ABI2: variants seen among roughly 807,000 people sequenced by gnomAD.
ABI2 encodes abl interactor 2.
ABI2 carries 25 observed loss-of-function variants against 59.2 expected under a neutral mutation model. That is an observed-to-expected ratio of 0.42 (90% CI 0.31 to 0.59). The LOEUF (loss-of-function observed/expected upper bound fraction) is 0.59. ABI2 is among the 20% of genes least tolerant of loss of function. ABI2 has a pLI of 0.14. For synonymous variants in ABI2, 213 were observed against 235.5 expected (o/e 0.90, Z 0.87); for missense variants, 545 against 681.8 (o/e 0.80, Z 2.23).
chr2:203,337,052 T>C (rs1367760557), intron 1 of ABI2, among the ~76,000 whole-genome samples: 1 of 152,130 alleles, frequency 6.6e-6, no homozygotes, highest in African/African-American at 2.4e-5. Flanking sequence ...CCATGAAAAG[T>C]TGAAACCTTT....
chr2:203,416,422 A>G (rs1388617499), intron 10 of ABI2, among the ~76,000 whole-genome samples: 1 of 151,698 alleles, frequency 6.6e-6, no homozygotes, highest in Non-Finnish European at 1.5e-5. Flanking sequence ...TGGCCTCCTG[A>G]GTAGCTGGGA....
intron 1 of ABI2, among the ~76,000 whole-genome samples, chr2:203,332,454 G>A (rs1323294278): frequency 3.3e-5 from 5 of 152,156 alleles, no homozygotes; most frequent in South Asian, 2.1e-4. Flanking sequence ...GTGAAACCGC[G>A]TATCTACTAA....
In ABI2 at chr2:203,394,758, T is replaced by C. The variant is rs551449375; in HGVS notation, c.637T>C (p.Tyr213His). 1.8e-5 allele frequency: 29 copies of C among 1,614,140 alleles called. No homozygotes were observed. The highest frequency in any genetic ancestry group is 2.7e-5 in the African/African-American group (2 of 75,014). The change falls in exon 6 of 12, where the codon TAC becomes CAC. Residue 213 changes from tyrosine (Y) to histidine (H), a missense_variant. Coordinates refer to ENST00000261018, the MANE Select transcript of ABI2 (RefSeq NM_001375670.1). ...GCGTCCTCCAGTGGTACCAAATGAT[T>C]ACGTACCTAGCCCAACCCGTAATAT... ...PVRPPVVPND[Y>H]VPSPTRNMAP...
In ABI2 at chr2:203,384,307, T is replaced by G. The variant is rs796296789; in HGVS notation, c.480+2101T>G. On this transcript the variant is annotated intron_variant, in intron 4 of 11. Coordinates refer to ENST00000261018, the MANE Select transcript of ABI2 (RefSeq NM_001375670.1). ...TTGTTTTTGTTTTTTTTTTTTTTTT[T>G]TTTTTTTTTTTTTTTTTGAGACAGG... Among the ~76,000 whole-genome samples the G allele has an allele frequency of 2.4e-3, 283 of 115,516 alleles. 7 individuals are homozygous for G. Among genetic ancestry groups the G allele is most frequent in the East Asian group, 2.1e-3 (10 of 4,798 alleles). The allele number at this position is 115,516 out of a possible 152,430, so 75.8% of individuals were successfully genotyped here. A position where few individuals can be genotyped will look rare whatever the true frequency, so the allele number is the denominator to read the frequency against.
chr2:203,375,279 A>C (rs1026374722), intron 2 of ABI2, among the ~76,000 whole-genome samples: 2 of 152,214 alleles, frequency 1.3e-5, no homozygotes, highest in African/African-American at 2.4e-5. Context: ...GCAAACAATA[A>C]TTATATTAAT....
chr2:203,418,263 T>C (rs1023919240), intron 11 of ABI2, among the ~76,000 whole-genome samples: 42 of 152,366 alleles, frequency 2.8e-4, no homozygotes, highest in African/African-American at 9.9e-4. Context: ...TGTGTATTGC[T>C]ACCTAACAAG....
chr2:203,382,891 T>C (rs1026132831), intron 4 of ABI2, among the ~76,000 whole-genome samples: 2 of 152,166 alleles, frequency 1.3e-5, no homozygotes, highest in African/African-American at 4.8e-5. Flanking sequence ...CAAAAGCTCA[T>C]GATAATGTTT....
Position 203,380,360 on chromosome 2 carries a change from A to G in ABI2, c.438A>G (p.Leu146=). The G allele has an allele frequency of 1.3e-6, 2 of 1,574,800 alleles. No homozygotes were observed. Among genetic ancestry groups the G allele is most frequent in the Non-Finnish European group, 8.6e-7 (1 of 1,165,980 alleles). ...YIRKPIDYTI[L]DDIGHGVKWL... ...GAAAACCTATTGACTATACAATTCT[A>G]GATGATATTGGACATGGAGTAAAGG... is the stretch of plus-strand genomic sequence containing the variant. The change falls in exon 3 of 12, where the codon CTA becomes CTG. Residue 146 remains leucine, a synonymous_variant. Coordinates refer to ENST00000261018, the MANE Select transcript of ABI2 (RefSeq NM_001375670.1).
At chr2:203,376,184 A>G (rs1288787834) in intron 2 of ABI2, 1 of 1,425,344 alleles carries the variant, frequency 7.0e-7, no homozygotes, top group Non-Finnish European at 9.4e-7. Context: ...GTTCTCAACC[A>G]GGGAAGTTTT....
chr2:203,338,945 T>TATATATATATATATATAA (rs1320173897), intron 1 of ABI2, among the ~76,000 whole-genome samples: 3 of 42,504 alleles, frequency 7.1e-5, no homozygotes, highest in African/African-American at 3.2e-4. Context: ...TATATATATA[T>TATATATATATATATATAA]ATATATATAT....
intron 9 of ABI2, among the ~76,000 whole-genome samples, chr2:203,410,678 ACT>A (rs2097632094): frequency 6.6e-6 from 1 of 152,210 alleles, no homozygotes; most frequent in African/African-American, 2.4e-5. Flanking sequence ...CGGTTTTGAT[ACT>A]GTTTTCCTAG....
intron 11 of ABI2, among the ~76,000 whole-genome samples, chr2:203,418,735 A>AGGG (rs2098031517): frequency 6.6e-6 from 1 of 152,248 alleles, no homozygotes; most frequent in Non-Finnish European, 1.5e-5. Flanking sequence ...TCAACACTGA[A>AGGG]GGGGTAGGGA....
intron 9 of ABI2, among the ~76,000 whole-genome samples, chr2:203,408,262 A>T (rs2153483008): frequency 6.6e-6 from 1 of 151,688 alleles, no homozygotes. Flanking sequence ...TCCTGGGTTC[A>T]AGCGATTCTC....
chr2:203,343,917 C>T (rs1033381590), intron 1 of ABI2, among the ~76,000 whole-genome samples: 1 of 152,136 alleles, frequency 6.6e-6, no homozygotes, highest in South Asian at 2.1e-4. Flanking sequence ...ATTGCTTGAG[C>T]CCAGGAGTTT....
At chr2:203,396,583 C>A (rs920488328) in intron 7 of ABI2, among the ~76,000 whole-genome samples, 5 of 152,138 alleles carry the variant, frequency 3.3e-5, no homozygotes, top group Non-Finnish European at 7.4e-5. Context: ...TTGAAAAAAT[C>A]TGCACATTAC....
chr2:203,338,961 TAA>T (rs1321714162), intron 1 of ABI2, among the ~76,000 whole-genome samples: 5,170 of 17,024 alleles, frequency 0.3, 712 homozygotes, highest in East Asian at 0.52. Flanking sequence ...TATATATATA[TAA>T]ATATATATAT....
At chr2:203,359,632 A>G (rs2093072349) in intron 1 of ABI2, among the ~76,000 whole-genome samples, 1 of 152,166 alleles carries the variant, frequency 6.6e-6, no homozygotes. Context: ...TCCAAGATCA[A>G]GACGTCAGCA....
intron 11 of ABI2, among the ~76,000 whole-genome samples, chr2:203,422,535 C>T (rs924059303): frequency 4.6e-5 from 7 of 152,102 alleles, no homozygotes; most frequent in Non-Finnish European, 1.5e-5. Flanking sequence ...CTCCTAGTTT[C>T]CTGGCTCCAC....
chr2:203,350,276 C>T (rs746147380), intron 1 of ABI2, among the ~76,000 whole-genome samples: 19 of 152,256 alleles, frequency 1.2e-4, no homozygotes, highest in Non-Finnish European at 1.6e-4. Context: ...GAGGTTTCAC[C>T]GTGTTGGCCT....
Sources: allele counts gnomAD v4.1 joint callset (sites outside exome capture counted in the v4.1 genomes callset), GRCh38; gene constraint gnomAD v4.1.1; transcripts MANE v1.5; gene names NCBI Gene and HGNC (gene_info 2026-07-23, HGNC 2026-07-21).